The following CLEC3A variants were observed in gnomAD, a reference collection of about 807,000 sequenced individuals.
The protein encoded by CLEC3A is C-type lectin domain family 3 member A.
In CLEC3A, 28 loss-of-function variants were observed where a neutral mutation model predicts 20.4. The ratio of observed to expected loss-of-function variants is 1.37; its 90% CI spans 1.02 to 1.88. The LOEUF (loss-of-function observed/expected upper bound fraction) is 1.88, where lower values mean the gene tolerates loss of function less well. CLEC3A is among the 40% of genes most tolerant of loss of function. The pLI is 0.00. For missense variants in CLEC3A, 357 were observed against 240.4 expected (o/e 1.48, Z -3.21); for synonymous variants, 110 against 88.1 (o/e 1.25, Z -1.39).
At chr16:78,028,720 G>A (rs1004722682) in intron 2 of CLEC3A, among the ~76,000 whole-genome samples, 7 of 152,352 alleles carry the variant, frequency 4.6e-5, no homozygotes, top group Admixed American at 2.0e-4. Context: ...AACAGCCCTG[G>A]TTTACAAGGC....
chr16:78,027,855 T>G (rs1384047015), intron 1 of CLEC3A, among the ~76,000 whole-genome samples: 4 of 152,288 alleles, frequency 2.6e-5, no homozygotes, highest in African/African-American at 9.6e-5. Context: ...AGGGTTTTGC[T>G]ATGTTGGCCA....
chr16:78,026,967 C>G (rs1025990020), intron 1 of CLEC3A, among the ~76,000 whole-genome samples: 2 of 152,200 alleles, frequency 1.3e-5, no homozygotes, highest in African/African-American at 4.8e-5. Context: ...GACAGGGGAC[C>G]TGGGGACCCA....
chr16:78,026,629 G>C (rs1284935402), intron 1 of CLEC3A, among the ~76,000 whole-genome samples: 1 of 152,160 alleles, frequency 6.6e-6, no homozygotes, highest in Non-Finnish European at 1.5e-5. Context: ...TGAAAGAATT[G>C]ATCTCTGACA....
At chr16:78,024,337 G>A (rs936224836) in intron 1 of CLEC3A, among the ~76,000 whole-genome samples, 2 of 151,916 alleles carry the variant, frequency 1.3e-5, no homozygotes, top group African/African-American at 4.8e-5. Context: ...GTGCTGTGTG[G>A]GTGTTTCTGA....
At chr16:78,029,962 G>A (rs2030039457) in intron 2 of CLEC3A, among the ~76,000 whole-genome samples, 1 of 151,938 alleles carries the variant, frequency 6.6e-6, no homozygotes. Context: ...GACCATCCTG[G>A]CTAACACGGT....
At chr16:78,025,681 C>T (rs2029893872) in intron 1 of CLEC3A, among the ~76,000 whole-genome samples, 1 of 152,194 alleles carries the variant, frequency 6.6e-6, no homozygotes, top group South Asian at 2.1e-4. Context: ...CTCTCTGGTA[C>T]TTGCTTCATA....
At chr16:78,025,499 C>T (rs1478751195) in intron 1 of CLEC3A, among the ~76,000 whole-genome samples, 3 of 152,304 alleles carry the variant, frequency 2.0e-5, no homozygotes, top group Middle Eastern at 3.4e-3. Flanking sequence ...GTGCCCATTC[C>T]TATGTATTTT....
chr16:78,024,690 T>A (rs927073680), intron 1 of CLEC3A, among the ~76,000 whole-genome samples: 1 of 152,144 alleles, frequency 6.6e-6, no homozygotes, highest in Non-Finnish European at 1.5e-5. Flanking sequence ...ATAGTTTAAG[T>A]ACCTTGAAAT....
chr16:78,023,034 G>C (rs1025604814), intron 1 of CLEC3A, among the ~76,000 whole-genome samples: 10 of 152,342 alleles, frequency 6.6e-5, no homozygotes, highest in African/African-American at 2.4e-4. Flanking sequence ...ATGTGCTTCA[G>C]AGGAAGCTCA....
rs1302432876 is a variant in CLEC3A at position 78,030,990 on chromosome 16, T to C, written c.*149T>C. On this transcript the variant is annotated 3_prime_UTR_variant, in exon 3 of 3. Transcript: ENST00000299642. ...AGCAATATGATAGCATCAGCCAATT[T>C]TGCTAACACATTTCTTTGGGATTTT... 23 of 854,720 alleles carry C rather than the reference T, an allele frequency of 2.7e-5. No homozygotes were observed. Among genetic ancestry groups the C allele is most frequent in the South Asian group, 3.9e-5 (2 of 50,918 alleles). The allele number at this position is 854,720 out of a possible 1,614,324, so 52.9% of individuals were successfully genotyped here. A position where few individuals can be genotyped will look rare whatever the true frequency, so the allele number is the denominator to read the frequency against.
intron 2 of CLEC3A, among the ~76,000 whole-genome samples, chr16:78,029,415 C>T (rs891598504): frequency 6.6e-6 from 1 of 152,204 alleles, no homozygotes; most frequent in Admixed American, 6.5e-5. Context: ...GTTGCCCGGG[C>T]TGGAGTACAA....
intron 1 of CLEC3A, among the ~76,000 whole-genome samples, chr16:78,025,273 A>T (rs367698417): frequency 6.6e-6 from 1 of 152,214 alleles, no homozygotes; most frequent in East Asian, 1.9e-4. Context: ...GCTGCATAAT[A>T]TTCCATTGTT....
rs2030088960 is a variant in CLEC3A, at chr16:78,031,065, G to A, written c.*224G>A. 4.0e-6 allele frequency: 2 copies of A among 503,044 alleles called. No individual in the cohort carries two copies. The highest frequency in any genetic ancestry group is 6.9e-6 in the Non-Finnish European group (2 of 288,428). 31.2% of individuals were successfully genotyped at this position (503,044 alleles called of 1,614,324 possible). ...AGAAATATTGATCCATGTGCACGCAGATAAAATGGCTTCTGCTAAACAGAC... is the reference window on the plus strand; with the variant it reads ...AGAAATATTGATCCATGTGCACGCAAATAAAATGGCTTCTGCTAAACAGAC... On this transcript the variant is annotated 3_prime_UTR_variant, in exon 3 of 3. Transcript: ENST00000299642.
intron 1 of CLEC3A, among the ~76,000 whole-genome samples, chr16:78,027,747 C>T (rs1275657420): frequency 6.6e-6 from 1 of 152,136 alleles, no homozygotes; most frequent in East Asian, 1.9e-4. Flanking sequence ...CCTCTGCCTC[C>T]CAAGTTGAAG....
At chr16:78,026,928 T>C (rs2029942611) in intron 1 of CLEC3A, among the ~76,000 whole-genome samples, 1 of 152,208 alleles carries the variant, frequency 6.6e-6, no homozygotes, top group South Asian at 2.1e-4. Context: ...CCACCATACC[T>C]GAGGCATGTG....
At position 78,031,095 on chromosome 16, in the gene CLEC3A, A is replaced by G. The variant is rs2030089659; in HGVS notation, c.*254A>G. 5.4e-6 allele frequency: 2 copies of G among 369,964 alleles called. No homozygotes were observed. The highest frequency in any genetic ancestry group is 1.3e-4 in the South Asian group (2 of 15,662). 22.9% of individuals were successfully genotyped at this position (369,964 alleles called of 1,614,324 possible). On this transcript the variant is annotated 3_prime_UTR_variant, in exon 3 of 3. Coordinates refer to ENST00000299642, the MANE Select transcript of CLEC3A (RefSeq NM_005752.6). ...AATGGCTTCTGCTAAACAGACTAAA[A>G]TCTTTCTCTCTAGTCTTTCTCACTT...
intron 1 of CLEC3A, among the ~76,000 whole-genome samples, 191 bp from the exon 2 acceptor site, chr16:78,027,916 C>T (rs934283537): frequency 6.6e-6 from 1 of 152,218 alleles, no homozygotes; most frequent in Non-Finnish European, 1.5e-5. Flanking sequence ...TTGGCCTCCC[C>T]AAGTGCTGGG....
chr16:78,027,449 G>A (rs75240778), intron 1 of CLEC3A, among the ~76,000 whole-genome samples: 4,063 of 152,186 alleles, frequency 0.027, 68 homozygotes, highest in African/African-American at 0.047. Flanking sequence ...AACACACAGG[G>A]AAGATGAGAT....
chr16:78,026,710 T>C (rs1157606741), intron 1 of CLEC3A, among the ~76,000 whole-genome samples: 1 of 152,220 alleles, frequency 6.6e-6, no homozygotes, highest in Non-Finnish European at 1.5e-5. Flanking sequence ...CCTCACAAGC[T>C]GCCAATCTCT....
Sources: allele counts gnomAD v4.1 joint callset (sites outside exome capture counted in the v4.1 genomes callset), GRCh38; gene constraint gnomAD v4.1.1; transcripts MANE v1.5; gene names NCBI Gene and HGNC (gene_info 2026-07-23, HGNC 2026-07-21).